Variants in CHST11 observed in about 807,000 individuals in gnomAD.
The protein encoded by CHST11 is C4S-1.
In CHST11, 9 loss-of-function variants were observed where a neutral mutation model predicts 30.4. The observed-to-expected ratio is 0.30, with a 90% CI of 0.18 to 0.52. The LOEUF is 0.52. Ranked by LOEUF, CHST11 falls within the 20% of genes least tolerant of loss-of-function variation. The pLI is 0.97. For synonymous variants in CHST11, 152 were observed against 187.8 expected (o/e 0.81, Z 1.56); for missense variants, 348 against 460.6 (o/e 0.76, Z 2.24).
intron 2 of CHST11, among the ~76,000 whole-genome samples, chr12:104,622,972 A>G (rs2039174923): frequency 1.3e-5 from 2 of 152,230 alleles, no homozygotes; most frequent in Non-Finnish European, 2.9e-5. Context: ...GAAGCAGTCT[A>G]AAGTGCTCAA....
At chr12:104,559,670 G>C (rs2038493534) in intron 1 of CHST11, among the ~76,000 whole-genome samples, 1 of 152,164 alleles carries the variant, frequency 6.6e-6, no homozygotes. Flanking sequence ...TTGAACCTGG[G>C]AGGCAGAGGT....
At chr12:104,469,877 G>A (rs1178507423) in intron 1 of CHST11, among the ~76,000 whole-genome samples, 1 of 152,200 alleles carries the variant, frequency 6.6e-6, no homozygotes, top group Non-Finnish European at 1.5e-5. Flanking sequence ...TAGAGGAAGG[G>A]GAGCATATTT....
At chr12:104,460,981 T>C (rs915348639) in intron 1 of CHST11, among the ~76,000 whole-genome samples, 2 of 152,304 alleles carry the variant, frequency 1.3e-5, no homozygotes, top group Admixed American at 6.5e-5. Flanking sequence ...GGGTTCTCAA[T>C]AGAATGTTTG....
chr12:104,672,168 C>T lies in CHST11; in HGVS notation c.204+70177C>T, dbSNP rs148242801. ...AATGCCCAGGAATGTCAGGGAAGCG[C>T]GTTTTCTGGAAACCTACCTCCCTGA... On this transcript the variant is annotated intron_variant, in intron 2 of 2. Coordinates refer to ENST00000303694, the MANE Select transcript of CHST11 (RefSeq NM_018413.6). Among the ~76,000 whole-genome samples, 683 of 152,280 alleles carry T rather than the reference C, an allele frequency of 4.5e-3. 3 individuals are homozygous for T. Among genetic ancestry groups the T allele is most frequent in the African/African-American group, 0.015 (632 of 41,548 alleles).
chr12:104,667,600 G>A (rs921907977), intron 2 of CHST11, among the ~76,000 whole-genome samples: 1 of 152,162 alleles, frequency 6.6e-6, no homozygotes, highest in Admixed American at 6.5e-5. Context: ...TTTCCATCCA[G>A]TGTTGGAGCT....
intron 2 of CHST11, among the ~76,000 whole-genome samples, chr12:104,636,132 C>T (rs896414006): frequency 6.6e-6 from 1 of 152,184 alleles, no homozygotes; most frequent in African/African-American, 2.4e-5. Flanking sequence ...GTGGCTGATC[C>T]AGGTTACACA....
At chr12:104,645,111 C>G (rs2039414106) in intron 2 of CHST11, among the ~76,000 whole-genome samples, 1 of 152,128 alleles carries the variant, frequency 6.6e-6, no homozygotes, top group African/African-American at 2.4e-5. Flanking sequence ...CCACGCCCGG[C>G]TAATTTTTTG....
rs147483833 is a variant in CHST11, at chr12:104,673,110, G to A, written c.204+71119G>A. Among the ~76,000 whole-genome samples the A allele has an allele frequency of 2.3e-3, 343 of 152,212 alleles. 1 individual carries two copies. The highest frequency in any genetic ancestry group is 7.9e-3 in the African/African-American group (328 of 41,530). ...CCCCATCTCTCTGCTCCATGTACACGTTGCTGCCCCCTCTTCTGTCTTCTT... is the reference window on the plus strand; with the variant it reads ...CCCCATCTCTCTGCTCCATGTACACATTGCTGCCCCCTCTTCTGTCTTCTT... On this transcript the variant is annotated intron_variant, in intron 2 of 2. Transcript: ENST00000303694.
At chr12:104,720,280 G>GTA (rs2040163701) in intron 2 of CHST11, among the ~76,000 whole-genome samples, 1 of 152,232 alleles carries the variant, frequency 6.6e-6, no homozygotes, top group Non-Finnish European at 1.5e-5. Flanking sequence ...TATGCAGTGG[G>GTA]TACCAGGATT....
At chr12:104,710,512 G>A (rs1218127603) in intron 2 of CHST11, among the ~76,000 whole-genome samples, 2 of 152,020 alleles carry the variant, frequency 1.3e-5, no homozygotes, top group Non-Finnish European at 2.9e-5. Flanking sequence ...CCCTTCCAGG[G>A]GACCCCTCCT....
intron 2 of CHST11, among the ~76,000 whole-genome samples, chr12:104,665,873 G>T (rs887304704): frequency 1.6e-5 from 2 of 126,466 alleles, no homozygotes; most frequent in African/African-American, 3.0e-5. Context: ...AGGCTGGACC[G>T]CAGTGGCGCG....
chr12:104,693,293 A>C (rs905037050), intron 2 of CHST11, among the ~76,000 whole-genome samples: 27 of 152,354 alleles, frequency 1.8e-4, no homozygotes, highest in African/African-American at 6.0e-4. Flanking sequence ...GATCAGCGCA[A>C]CACGCCCAGT....
At chr12:104,549,048 A>G (rs1444638552) in intron 1 of CHST11, among the ~76,000 whole-genome samples, 1 of 152,170 alleles carries the variant, frequency 6.6e-6, no homozygotes, top group African/African-American at 2.4e-5. Context: ...GATCCCAACC[A>G]CGGTGATAAA....
At chr12:104,486,304 A>ATTT (rs5800622) in intron 1 of CHST11, among the ~76,000 whole-genome samples, 1 of 147,128 alleles carries the variant, frequency 6.8e-6, no homozygotes, top group Non-Finnish European at 1.5e-5. Flanking sequence ...AGTCAGTGTG[A>ATTT]TTTTTTTTTT....
At chr12:104,507,902 A>T (rs931448134) in intron 1 of CHST11, among the ~76,000 whole-genome samples, 2 of 152,168 alleles carry the variant, frequency 1.3e-5, no homozygotes, top group Non-Finnish European at 2.9e-5. Context: ...CCCAGCATCA[A>T]GGCTCCTGGC....
intron 2 of CHST11, among the ~76,000 whole-genome samples, chr12:104,653,346 T>G (rs2039511938): frequency 6.6e-6 from 1 of 152,346 alleles, no homozygotes; most frequent in South Asian, 2.1e-4. Context: ...GGTTGAATGA[T>G]ATTCCACTGG....
At chr12:104,642,743 G>A (rs950073668) in intron 2 of CHST11, among the ~76,000 whole-genome samples, 1 of 152,004 alleles carries the variant, frequency 6.6e-6, no homozygotes, top group Non-Finnish European at 1.5e-5. Flanking sequence ...TCTCAAGCCT[G>A]TGTCTAGGTG....
At chr12:104,690,532 A>C (rs1044118766) in intron 2 of CHST11, among the ~76,000 whole-genome samples, 1 of 152,204 alleles carries the variant, frequency 6.6e-6, no homozygotes, top group African/African-American at 2.4e-5. Flanking sequence ...GGCTGCTTGA[A>C]AAGAGATACG....
At chr12:104,753,013 T>A (rs2040446224) in intron 2 of CHST11, among the ~76,000 whole-genome samples, 1 of 152,234 alleles carries the variant, frequency 6.6e-6, no homozygotes, top group Non-Finnish European at 1.5e-5. Flanking sequence ...CTGTGGTACC[T>A]CTATTTGATA....
Sources: allele counts gnomAD v4.1 joint callset (sites outside exome capture counted in the v4.1 genomes callset), GRCh38; gene constraint gnomAD v4.1.1; transcripts MANE v1.5; gene names NCBI Gene and HGNC (gene_info 2026-07-23, HGNC 2026-07-21).